PTCD3: variants seen among roughly 807,000 people sequenced by gnomAD.
The protein encoded by PTCD3 is small ribosomal subunit protein mS39.
PTCD3 carries 89 observed loss-of-function variants against 101.9 expected under a neutral mutation model. That is an observed-to-expected ratio of 0.87 (90% CI 0.74 to 1.04). PTCD3 has a LOEUF of 1.04. Among genes scored for constraint, PTCD3 ranks in the 50% least tolerant of loss-of-function variants. The pLI, the probability that PTCD3 is intolerant of heterozygous loss-of-function variation, is 0.00. For synonymous variants in PTCD3, 296 were observed against 278.5 expected, an observed-to-expected ratio of 1.06 and a Z score of -0.63; for missense variants, 870 against 828.2, an observed-to-expected ratio of 1.05 and a Z score of -0.62.
rs543440309 is a variant in PTCD3, at chr2:86,139,868, A to T, written c.*2309A>T. ...GGAAGGGGAAGGGGAGTCTTACTAT[A>T]TGTGGAATAAACTTGCTCAGTGTTG... On this transcript the variant is annotated 3_prime_UTR_variant, in exon 24 of 24. Coordinates refer to ENST00000254630, the MANE Select transcript of PTCD3 (RefSeq NM_017952.6). 5.9e-5 allele frequency: 9 copies of T among 152,270 alleles called. No homozygotes were observed. In the South Asian group the frequency reaches 1.0e-3, roughly 18 times the overall value. 9.4% of individuals were successfully genotyped at this position (152,270 alleles called of 1,614,324 possible).
rs138459018 is a variant in PTCD3 at position 86,118,996 on chromosome 2, A to G, written c.490A>G (p.Arg164Gly). Residue 164 changes from arginine to glycine, a missense_variant, in exon 7 of 24, where the codon AGA (arginine) becomes GGA (glycine). Transcript: ENST00000254630. Reference sequence around the variant, plus strand: ...CGCCCTGAAGGAACGAATTGAGCTCAGAAAAGTCAAAGCCTCTGTGGACAT... The same window carrying G: ...CGCCCTGAAGGAACGAATTGAGCTCGGAAAAGTCAAAGCCTCTGTGGACAT... ...EAALKERIEL[R>G]KVKASVDMFD... 1.3e-3 allele frequency: 2,149 copies of G among 1,614,170 alleles called. 38 individuals are homozygous for G. The Admixed American group carries it at 0.029, about 22-fold the overall frequency.
chr2:86,127,262 G>A lies in PTCD3; in HGVS notation c.1053G>A (p.Ser351=), dbSNP rs139033408. The A allele has an allele frequency of 6.4e-5, 103 of 1,614,038 alleles. 1 individual carries two copies. The African/African-American group carries it at 9.5e-4, about 15-fold the overall frequency. The change falls in exon 13 of 24, where the codon TCG becomes TCA. Residue 351 remains serine (S), a synonymous_variant. Transcript: ENST00000254630. ...CLRRFHVFAR[S]PALQVLREMK... ...GAAGATTTCATGTGTTTGCAAGATC[G>A]CCAGCCTTACAGGTTTTACGTGAAA...
At chr2:86,136,408 A>C in intron 21 of PTCD3, 113 bp from the exon 22 acceptor site, 2 of 1,015,536 alleles carry the variant, frequency 2.0e-6, no homozygotes, top group South Asian at 2.8e-5. Flanking sequence ...GGGAGCTTAC[A>C]GTATAGTTAA....
chr2:86,134,299 A>C lies in PTCD3; in HGVS notation c.1551A>C (p.Lys517Asn), dbSNP rs1674541838. 1 of 1,608,558 alleles carries C rather than the reference A, an allele frequency of 6.2e-7. No homozygotes were observed. Among genetic ancestry groups the C allele is most frequent in the Admixed American group, 1.7e-5 (1 of 59,930 alleles). Residue 517 changes from lysine (K) to asparagine (N), a missense_variant, in exon 20 of 24, where the codon AAA (lysine) becomes AAC (asparagine). Transcript: ENST00000254630. ...EVIPKIWKDS[K>N]EYGHTFRSDL... ...TTCCTTTCTTGTTTCAAGATAGTAA[A>C]GAATATGGTCATACTTTCCGCAGTG...
chr2:86,119,208 T>G lies in PTCD3; in HGVS notation c.538+164T>G, dbSNP rs1245034955. The G allele has an allele frequency of 3.3e-6, 3 of 907,436 alleles. No individual in the cohort carries two copies. The African/African-American group carries it at 5.1e-5, about 16-fold the overall frequency. The allele number at this position is 907,436 out of a possible 1,614,324, so 56.2% of individuals were successfully genotyped here. A position where few individuals can be genotyped will look rare whatever the true frequency, so the allele number is the denominator to read the frequency against. ...TAGTAGTTTATTTCATTTTTAGCTT[T>G]AGTGTTACTTAAGAATTACAGGCGA... On this transcript the variant is annotated intron_variant, in intron 7 of 23. Transcript: ENST00000254630.
intron 4 of PTCD3, among the ~76,000 whole-genome samples, chr2:86,114,276 CT>C (rs976481294): frequency 2.0e-5 from 3 of 151,498 alleles, no homozygotes; most frequent in East Asian, 3.9e-4. Context: ...GAAAGGAATT[CT>C]TTTTTTTCTT....
chr2:86,108,835 A>C (rs546338088), intron 3 of PTCD3: 110 of 290,700 alleles, frequency 3.8e-4, no homozygotes, highest in Non-Finnish European at 6.0e-4. Flanking sequence ...CATTAGAATA[A>C]TTTTTTTCAA....
intron 14 of PTCD3, 68 bp downstream of exon 14, chr2:86,128,059 T>G: frequency 2.4e-6 from 3 of 1,254,548 alleles, no homozygotes; most frequent in Non-Finnish European, 3.5e-6. Context: ...TTTATGTGAT[T>G]AATTGTTGTA....
chr2:86,137,120 T>G lies in PTCD3; in HGVS notation c.1959T>G (p.Phe653Leu). The change falls in exon 23 of 24, where the codon TTT becomes TTG. Residue 653 changes from phenylalanine to leucine, a missense_variant. Coordinates refer to ENST00000254630, the MANE Select transcript of PTCD3 (RefSeq NM_017952.6). ...TCACCCAGAGAGTAATGAGTGATTT[T>G]GCAATCAACCAGGAACAAAAGTAAG... ...EGLTQRVMSD[F>L]AINQEQKEAL... 6.3e-7 allele frequency: 1 copy of G among 1,590,904 alleles called. No individual in the cohort carries two copies. The highest frequency in any genetic ancestry group is 2.2e-5 in the East Asian group (1 of 44,572).
chr2:86,124,836 T>C (rs1225073319), intron 9 of PTCD3, among the ~76,000 whole-genome samples, 159 bp from the exon 10 acceptor site: 1 of 152,214 alleles, frequency 6.6e-6, no homozygotes, highest in Non-Finnish European at 1.5e-5. Flanking sequence ...TTTTCCCCAT[T>C]TTCAAAATGA....
chr2:86,119,282 G>C (rs1160721300), intron 7 of PTCD3: 2 of 506,398 alleles, frequency 3.9e-6, no homozygotes, highest in Non-Finnish European at 6.8e-6. Flanking sequence ...TAGAGAAATT[G>C]TATCACCCTT....
At chr2:86,107,574 TAAAC>T (rs1673984229) in intron 1 of PTCD3, among the ~76,000 whole-genome samples, 1 of 152,204 alleles carries the variant, frequency 6.6e-6, no homozygotes, top group African/African-American at 2.4e-5. Flanking sequence ...TCAGAACACT[TAAAC>T]AGAACACTTA....
chr2:86,107,107 C>T (rs766284197), intron 1 of PTCD3: 7 of 470,892 alleles, frequency 1.5e-5, no homozygotes, highest in South Asian at 6.2e-5. Flanking sequence ...TTTATATGTA[C>T]TCTCCCTTAG....
Position 86,137,141 on chromosome 2 carries a change from G to A in PTCD3, c.1979+1G>A. On this transcript the variant is annotated splice_donor_variant, in intron 23 of 23. Coordinates refer to ENST00000254630, the MANE Select transcript of PTCD3 (RefSeq NM_017952.6). LOFTEE classifies it high-confidence loss of function. The stretch of plus-strand genomic sequence containing the variant: ...ATTTTGCAATCAACCAGGAACAAAA[G>A]TAAGTGGTCACCATGAAGCATAGTT... The A allele has an allele frequency of 6.3e-7, 1 of 1,578,256 alleles. No homozygotes were observed. The highest frequency in any genetic ancestry group is 8.6e-7 in the Non-Finnish European group (1 of 1,163,320).
At chr2:86,117,712 C>T (rs562137309) in intron 6 of PTCD3, among the ~76,000 whole-genome samples, 2 of 152,124 alleles carry the variant, frequency 1.3e-5, no homozygotes, top group Non-Finnish European at 2.9e-5. Context: ...ACACCCTTCT[C>T]AGCCTCTGCA....
intron 14 of PTCD3, 98 bp from the exon 15 acceptor site, chr2:86,130,550 G>A (rs1674476488): frequency 2.0e-6 from 3 of 1,512,050 alleles, no homozygotes; most frequent in Non-Finnish European, 2.7e-6. Flanking sequence ...TTAGGCTGGA[G>A]GTGGAGGAAG....
chr2:86,109,513 TGCATAG>T (rs2104446407), intron 3 of PTCD3, among the ~76,000 whole-genome samples: 1 of 152,262 alleles, frequency 6.6e-6, no homozygotes, highest in South Asian at 2.1e-4. Context: ...GTGATGTCAA[TGCATAG>T]GTAACTGGGA....
chr2:86,129,282 T>G (rs1251566616), intron 14 of PTCD3, among the ~76,000 whole-genome samples: 1 of 152,216 alleles, frequency 6.6e-6, no homozygotes, highest in Non-Finnish European at 1.5e-5. Context: ...TGTACTTACA[T>G]TTCCTAAGTA....
At chr2:86,136,666 G>A (rs1357120787) in intron 22 of PTCD3, 104 bp downstream of exon 22, 1 of 1,338,480 alleles carries the variant, frequency 7.5e-7, no homozygotes, top group Non-Finnish European at 1.1e-6. Context: ...TCTTCTGTTA[G>A]GCAAGCATAC....
Sources: gnomAD v4.1 joint callset for allele counts (sites outside exome capture counted in the v4.1 genomes callset) on GRCh38, gnomAD v4.1.1 for gene constraint, MANE v1.5 for transcripts, NCBI Gene and HGNC (gene_info 2026-07-23, HGNC 2026-07-21) for gene names.